Variants in AFAP1L1 observed in about 807,000 individuals in gnomAD.
AFAP1L1 encodes the protein actin filament-associated protein 1-like 1.
In AFAP1L1, 77 loss-of-function variants were observed where a neutral mutation model predicts 99.8. The observed-to-expected ratio is 0.77, with a 90% CI of 0.64 to 0.93. AFAP1L1 has a LOEUF of 0.93. AFAP1L1 is among the 40% of genes least tolerant of loss of function. The pLI, the probability that AFAP1L1 is intolerant of heterozygous loss-of-function variation, is 0.00. For synonymous variants in AFAP1L1, 373 were observed against 395.3 expected (o/e 0.94, Z 0.67); for missense variants, 893 against 996.8 (o/e 0.90, Z 1.40).
intron 5 of AFAP1L1, among the ~76,000 whole-genome samples, chr5:149,304,611 G>C (rs1025485955): frequency 6.6e-6 from 1 of 152,216 alleles, no homozygotes; most frequent in Non-Finnish European, 1.5e-5. Context: ...CTTGTGCAGG[G>C]AGAGCACGCC....
chr5:149,320,432 T>G lies in AFAP1L1; in HGVS notation c.1667T>G (p.Val556Gly). 1 of 1,614,154 alleles carries G rather than the reference T, an allele frequency of 6.2e-7. No individual in the cohort carries two copies. Among genetic ancestry groups the G allele is most frequent in the Non-Finnish European group, 8.5e-7 (1 of 1,180,032 alleles). ...CAGAATCAGTGGCCTGAGCCCCGAG[T>G]CTATGATGATGTTCCTTATGAAAAG... ...SCQNQWPEPR[V>G]YDDVPYEKMQ... The change falls in exon 14 of 19, where the codon GTC (valine) becomes GGC (glycine). Residue 556 changes from valine (V) to glycine (G), a missense_variant. Physicochemically the swap from Val to Gly is moderately radical, Grantham distance 109. Coordinates refer to ENST00000296721, the MANE Select transcript of AFAP1L1 (RefSeq NM_152406.4). This position sits in a 1 kb window ranked among gnomAD's most constrained non-coding sequence, Gnocchi z 4.0.
intron 1 of AFAP1L1, among the ~76,000 whole-genome samples, chr5:149,296,325 C>T (rs1217723842): frequency 2.6e-5 from 4 of 152,220 alleles, no homozygotes; most frequent in Non-Finnish European, 4.4e-5. Context: ...TGAGCCAACA[C>T]GCCTGGCCCA....
intron 7 of AFAP1L1, among the ~76,000 whole-genome samples, chr5:149,309,115 CATAAT>C (rs1325108915): frequency 6.6e-6 from 1 of 151,874 alleles, no homozygotes; most frequent in Admixed American, 6.6e-5. Flanking sequence ...AGTCTCTAAA[CATAAT>C]AATAATAATA....
intron 14 of AFAP1L1, 25 bp from the exon 15 acceptor site, chr5:149,322,581 A>C (rs978627999): frequency 4.5e-6 from 7 of 1,541,632 alleles, no homozygotes; most frequent in Non-Finnish European, 6.2e-6. Context: ...CCTGAACTTG[A>C]CTGTCTTCCT....
At position 149,300,153 on chromosome 5, in the gene AFAP1L1, C is replaced by T; in HGVS notation, c.146-118C>T. ...TGAAAACCAGTGAAATAATTTAGGA[C>T]TTGAATGCGCTTTGCAAAGTGAGCA... On this transcript the variant is annotated intron_variant, in intron 2 of 18. Transcript: ENST00000296721. 8 of 640,776 alleles carry T rather than the reference C, an allele frequency of 1.2e-5. No individual in the cohort carries two copies. In the South Asian group the frequency reaches 1.9e-4, roughly 15 times the overall value. The allele number at this position is 640,776 out of a possible 1,614,324, so 39.7% of individuals were successfully genotyped here. A position where few individuals can be genotyped will look rare whatever the true frequency, so the allele number is the denominator to read the frequency against.
At chr5:149,306,206 T>C (rs1756404970) in intron 5 of AFAP1L1, 100 bp from the exon 6 acceptor site, 6 of 982,840 alleles carry the variant, frequency 6.1e-6, no homozygotes, top group African/African-American at 1.6e-5. Context: ...CTGCTGTCTC[T>C]TCCCTGAGGT....
Position 149,307,691 on chromosome 5 carries a change from A to G in AFAP1L1, c.747+78A>G, listed in dbSNP as rs1756465275. The G allele has an allele frequency of 2.1e-6, 3 of 1,462,140 alleles. No individual in the cohort carries two copies. The East Asian group carries it at 7.2e-5, about 35-fold the overall frequency. The allele number at this position is 1,462,140 out of a possible 1,614,324, so 90.6% of individuals were successfully genotyped here. A position where few individuals can be genotyped will look rare whatever the true frequency, so the allele number is the denominator to read the frequency against. On this transcript the variant is annotated intron_variant, in intron 7 of 18. Transcript: ENST00000296721. ...GGTGTGTCTCTACATACATGTGGAT[A>G]TGTCTGCCTTGGGCATACCTGGATT...
intron 1 of AFAP1L1, among the ~76,000 whole-genome samples, chr5:149,290,723 T>C (rs1755824462): frequency 6.6e-6 from 1 of 150,480 alleles, no homozygotes; most frequent in Non-Finnish European, 1.5e-5. Context: ...TGTTGCCTGA[T>C]TTTTTTTTTC....
chr5:149,301,356 T>A, intron 4 of AFAP1L1, 126 bp downstream of exon 4: 1 of 742,994 alleles, frequency 1.3e-6, no homozygotes. Flanking sequence ...TCTCGGGTTG[T>A]GGGTGAGGGC....
intron 1 of AFAP1L1, among the ~76,000 whole-genome samples, chr5:149,282,513 G>C (rs991992550): frequency 3.9e-5 from 6 of 152,174 alleles, no homozygotes; most frequent in African/African-American, 1.4e-4. Flanking sequence ...TAAGGTTGAA[G>C]TATTAGAGTG....
chr5:149,297,985 G>A (rs972247063), intron 1 of AFAP1L1, among the ~76,000 whole-genome samples: 3 of 152,252 alleles, frequency 2.0e-5, no homozygotes, highest in Non-Finnish European at 4.4e-5. Flanking sequence ...TATGAGGCAG[G>A]TGCTGTTATT....
At chr5:149,322,832 G>A in intron 15 of AFAP1L1, 115 bp downstream of exon 15, 1 of 782,552 alleles carries the variant, frequency 1.3e-6, no homozygotes, top group East Asian at 2.9e-5. Flanking sequence ...AAAGTGAGAT[G>A]CAAGAAAATA....
At chr5:149,336,041 T>C (rs926347019) in intron 18 of AFAP1L1, among the ~76,000 whole-genome samples, 3 of 152,204 alleles carry the variant, frequency 2.0e-5, no homozygotes, top group Admixed American at 2.0e-4. Context: ...CCCAGGGCTA[T>C]GCAAGGTATC....
chr5:149,286,033 C>T (rs543470885), intron 1 of AFAP1L1, among the ~76,000 whole-genome samples: 4 of 152,258 alleles, frequency 2.6e-5, no homozygotes, highest in South Asian at 2.1e-4. Context: ...TCTACTCTGG[C>T]GCATAGAACA....
intron 15 of AFAP1L1, among the ~76,000 whole-genome samples, chr5:149,323,695 G>A (rs1000047758): frequency 2.0e-5 from 3 of 151,972 alleles, no homozygotes; most frequent in African/African-American, 7.3e-5. Context: ...TTCCTCCCTT[G>A]ACTACTGAAT....
chr5:149,334,092 G>A (rs914716179), intron 17 of AFAP1L1, among the ~76,000 whole-genome samples: 6 of 152,174 alleles, frequency 3.9e-5, no homozygotes, highest in African/African-American at 1.4e-4. Flanking sequence ...GCCTGCTTTC[G>A]GGTGAGGAAA....
At chr5:149,318,027 A>G (rs1756849941) in intron 12 of AFAP1L1, 87 bp downstream of exon 12, 7 of 1,438,754 alleles carry the variant, frequency 4.9e-6, no homozygotes, top group East Asian at 2.5e-5. Context: ...AGCCCTTGCT[A>G]CTGACACCAT....
In AFAP1L1 at chr5:149,340,469, T is replaced by C. The variant is rs1757530973; in HGVS notation, c.*439T>C. On this transcript the variant is annotated 3_prime_UTR_variant, in exon 19 of 19. Coordinates refer to ENST00000296721, the MANE Select transcript of AFAP1L1 (RefSeq NM_152406.4). ...AGTGTAAAGAGACAAGACCTGATCA[T>C]CTGATCACACTTGTGCCAACTTGAT... The C allele has an allele frequency of 6.1e-6, 1 of 163,940 alleles. No homozygotes were observed. Among genetic ancestry groups the C allele is most frequent in the South Asian group, 1.8e-4 (1 of 5,536 alleles). 10.2% of individuals were successfully genotyped at this position (163,940 alleles called of 1,614,324 possible).
At chr5:149,306,477 C>T in intron 6 of AFAP1L1, 73 bp downstream of exon 6, 1 of 1,392,154 alleles carries the variant, frequency 7.2e-7, no homozygotes, top group Non-Finnish European at 9.9e-7. Context: ...TGTCCTGGCC[C>T]TTAGCATGGG....
Sources: gnomAD v4.1 joint callset for allele counts (sites outside exome capture counted in the v4.1 genomes callset) on GRCh38, gnomAD v4.1.1 for gene constraint, Gnocchi (gnomAD v3.1) non-coding constraint, MANE v1.5 for transcripts, NCBI Gene and HGNC (gene_info 2026-07-23, HGNC 2026-07-21) for gene names.